ARHGEF28: variants seen among roughly 807,000 people sequenced by gnomAD.
ARHGEF28 encodes 190 kDa guanine nucleotide exchange factor.
A neutral mutation model predicts 206.6 loss-of-function variants in ARHGEF28; 152 were observed. The observed-to-expected ratio is 0.74, with a 90% CI of 0.64 to 0.84. The LOEUF (loss-of-function observed/expected upper bound fraction) is 0.84. ARHGEF28 is among the 40% of genes least tolerant of loss of function. ARHGEF28 has a pLI of 0.00. For synonymous variants in ARHGEF28, 763 were observed against 776.4 expected (o/e 0.98, Z 0.29); for missense variants, 2,028 against 2,073.2 (o/e 0.98, Z 0.42).
intron 27 of ARHGEF28, among the ~76,000 whole-genome samples, chr5:73,892,463 C>T (rs978050807): frequency 6.6e-5 from 10 of 152,166 alleles, no homozygotes; most frequent in African/African-American, 1.4e-4. Context: ...TGATGCAGCT[C>T]GGGCCTCCCC....
chr5:73,883,834 G>C lies in ARHGEF28; in HGVS notation c.3005G>C (p.Arg1002Pro). 1 of 1,579,148 alleles carries C rather than the reference G, an allele frequency of 6.3e-7. No individual in the cohort carries two copies. The highest frequency in any genetic ancestry group is 1.2e-5 in the South Asian group (1 of 84,832). ...GAATGCATTCTGTTGGTCACTCAGC[G>C]TATTACAAAATACCCTGTCTTGGTG... is the stretch of plus-strand genomic sequence containing the variant. Reference protein sequence around the residue: ...IPECILLVTQRITKYPVLVER... With the variant: ...IPECILLVTQPITKYPVLVER... Residue 1002 changes from arginine (R) to proline (P), a missense_variant, in exon 24 of 36, where the codon CGT becomes CCT. Around this residue, in one of 3 missense-constraint regions of ARHGEF28, gnomAD observed 223 missense variants for 289.9 expected, o/e 0.77. Transcript: ENST00000513042.
Position 73,886,033 on chromosome 5 carries a change from T to C in ARHGEF28, c.3239T>C (p.Leu1080Pro), listed in dbSNP as rs1280588248. The C allele has an allele frequency of 2.5e-6, 4 of 1,613,922 alleles. No individual in the cohort carries two copies. The highest frequency in any genetic ancestry group is 3.4e-6 in the Non-Finnish European group (4 of 1,179,856). The stretch of plus-strand genomic sequence containing the variant: ...GGACATGTGTTTAGGAAGCAGGCAC[T>C]GATGAGTGAAGAAAGGACTCTGTTA... ...KNGHVFRKQALMSEERTLLYD... is the reference protein window; with the variant it reads ...KNGHVFRKQAPMSEERTLLYD... Residue 1080 changes from leucine to proline, a missense_variant, in exon 25 of 36, where the codon CTG becomes CCG. Physicochemically the swap from Leu to Pro is moderately conservative, Grantham distance 98. Around this residue, in one of 3 missense-constraint regions of ARHGEF28, gnomAD observed 223 missense variants for 289.9 expected, o/e 0.77. Coordinates refer to ENST00000513042, the MANE Select transcript of ARHGEF28 (RefSeq NM_001177693.2).
chr5:73,654,664 T>G (rs1278969280), intron 1 of ARHGEF28, among the ~76,000 whole-genome samples: 6 of 152,192 alleles, frequency 3.9e-5, no homozygotes, highest in Admixed American at 1.3e-4. Flanking sequence ...TTGCCTCAGG[T>G]GAACACAGTG....
intron 1 of ARHGEF28, among the ~76,000 whole-genome samples, chr5:73,628,482 T>C (rs1386041750): frequency 2.3e-5 from 1 of 42,750 alleles, no homozygotes; most frequent in Non-Finnish European, 5.2e-5. Flanking sequence ...AGGCTGACTA[T>C]AATTTTATTA....
At chr5:73,758,423 TC>T (rs1752425653) in intron 4 of ARHGEF28, among the ~76,000 whole-genome samples, 1 of 152,356 alleles carries the variant, frequency 6.6e-6, no homozygotes, top group South Asian at 2.1e-4. Context: ...CTTGGACTCT[TC>T]CAGTTGTCTA....
intron 35 of ARHGEF28, among the ~76,000 whole-genome samples, chr5:73,938,256 A>T (rs1033454787): frequency 1.3e-5 from 2 of 151,558 alleles, no homozygotes; most frequent in East Asian, 3.9e-4. Context: ...GAAGTAGAGC[A>T]TACAATGTAA....
chr5:73,847,782 C>A (rs568646575), intron 12 of ARHGEF28, among the ~76,000 whole-genome samples: 1 of 152,290 alleles, frequency 6.6e-6, no homozygotes, highest in East Asian at 1.9e-4. Context: ...ATGGTTACCA[C>A]GTATACATGA....
intron 10 of ARHGEF28, among the ~76,000 whole-genome samples, 168 bp downstream of exon 10, chr5:73,832,627 G>A (rs1757367689): frequency 6.6e-6 from 1 of 152,160 alleles, no homozygotes; most frequent in African/African-American, 2.4e-5. Context: ...ATTTAACTTA[G>A]GTGCTTACTT....
At chr5:73,798,081 A>AT (rs941088866) in intron 9 of ARHGEF28, among the ~76,000 whole-genome samples, 14 of 151,326 alleles carry the variant, frequency 9.3e-5, no homozygotes, top group Non-Finnish European at 1.9e-4. Context: ...ATTGTTTTCT[A>AT]TTTTTTTTAA....
chr5:73,684,318 C>T (rs1747305015), intron 1 of ARHGEF28, among the ~76,000 whole-genome samples: 1 of 152,186 alleles, frequency 6.6e-6, no homozygotes, highest in Non-Finnish European at 1.5e-5. Context: ...TAAGTAGAAT[C>T]ATACAGTATT....
Position 73,868,124 on chromosome 5 carries a change from G to A in ARHGEF28, c.2322G>A (p.Leu774=). 1 of 1,611,472 alleles carries A rather than the reference G, an allele frequency of 6.2e-7. No individual in the cohort carries two copies. Among genetic ancestry groups the A allele is most frequent in the Non-Finnish European group, 8.5e-7 (1 of 1,178,784 alleles). ...GCTTCAGGAGGTCAGCCACATCCTT[G>A]GAGTCTGAGAGTGACCATAACAGCT... is the stretch of plus-strand genomic sequence containing the variant. ...LESFRRSATS[L]ESESDHNSCR... is the part of the protein sequence containing the mutation. The change falls in exon 20 of 36, where the codon TTG becomes TTA. Residue 774 remains leucine, a synonymous_variant. Transcript: ENST00000513042.
At chr5:73,711,486 T>C (rs1348609360) in intron 2 of ARHGEF28, among the ~76,000 whole-genome samples, 1 of 152,194 alleles carries the variant, frequency 6.6e-6, no homozygotes, top group Non-Finnish European at 1.5e-5. Flanking sequence ...AATTTAGGTC[T>C]TATTTTATTT....
intron 2 of ARHGEF28, among the ~76,000 whole-genome samples, chr5:73,736,308 G>A (rs1466887243): frequency 6.6e-6 from 1 of 152,180 alleles, no homozygotes; most frequent in Non-Finnish European, 1.5e-5. Flanking sequence ...GGGGGACGCA[G>A]CACTGACCAC....
At chr5:73,736,192 A>G (rs573185057) in intron 2 of ARHGEF28, among the ~76,000 whole-genome samples, 12 of 152,364 alleles carry the variant, frequency 7.9e-5, no homozygotes, top group South Asian at 4.1e-4. Flanking sequence ...ATGGATACTC[A>G]TGTGTAACTT....
chr5:73,704,355 A>G (rs1171140735), intron 2 of ARHGEF28, among the ~76,000 whole-genome samples: 2 of 152,266 alleles, frequency 1.3e-5, no homozygotes, highest in African/African-American at 4.8e-5. Context: ...TCTAACTGCA[A>G]ACATGACCAG....
intron 2 of ARHGEF28, among the ~76,000 whole-genome samples, chr5:73,691,369 T>C (rs1426295866): frequency 6.6e-6 from 1 of 152,140 alleles, no homozygotes; most frequent in Non-Finnish European, 1.5e-5. Flanking sequence ...TTTATTATAA[T>C]GGACAGGACC....
At chr5:73,855,915 G>A (rs1033498215) in intron 14 of ARHGEF28, among the ~76,000 whole-genome samples, 2 of 151,662 alleles carry the variant, frequency 1.3e-5, no homozygotes, top group African/African-American at 2.4e-5. Context: ...CAATAGTTTA[G>A]TTGTGTTCCT....
chr5:73,663,853 A>G (rs1334585613), intron 1 of ARHGEF28, among the ~76,000 whole-genome samples: 4 of 152,188 alleles, frequency 2.6e-5, no homozygotes, highest in Non-Finnish European at 2.9e-5. Context: ...TGTATGTGAG[A>G]GAAATTTGTA....
intron 20 of ARHGEF28, 87 bp downstream of exon 20, chr5:73,868,314 T>A (rs1580009389): frequency 2.0e-6 from 1 of 502,472 alleles, no homozygotes; most frequent in African/African-American, 2.5e-5. Context: ...GATTGAAGCA[T>A]TTTTTTTTTC....
Sources: allele counts gnomAD v4.1 joint callset (sites outside exome capture counted in the v4.1 genomes callset), GRCh38; gene constraint gnomAD v4.1.1; regional missense constraint gnomAD v4.1.1; transcripts MANE v1.5; gene names NCBI Gene and HGNC (gene_info 2026-07-23, HGNC 2026-07-21).